MCTP1: variants seen among roughly 807,000 people sequenced by gnomAD.
MCTP1 encodes multiple C2 and transmembrane domain containing 1.
In MCTP1, 69 loss-of-function variants were observed where a neutral mutation model predicts 120.6. That is an observed-to-expected ratio of 0.57 (90% CI 0.47 to 0.70). The LOEUF is 0.70. Ranked by LOEUF, MCTP1 falls within the 30% of genes least tolerant of loss-of-function variation. The pLI, the probability that MCTP1 is intolerant of heterozygous loss-of-function variation, is 0.00. For synonymous variants in MCTP1, 529 were observed against 493.1 expected (o/e 1.07, Z -0.96); for missense variants, 1,203 against 1,248.8 (o/e 0.96, Z 0.55).
intron 1 of MCTP1, among the ~76,000 whole-genome samples, chr5:95,195,883 G>A (rs2152540348): frequency 6.6e-6 from 1 of 152,290 alleles, no homozygotes; most frequent in South Asian, 2.1e-4. Context: ...GTACCAATGT[G>A]TAAATGTTCT....
intron 17 of MCTP1, among the ~76,000 whole-genome samples, chr5:94,830,274 C>T (rs1788215433): frequency 6.6e-6 from 1 of 152,194 alleles, no homozygotes; most frequent in Admixed American, 6.5e-5. Context: ...TCAAGAAGTA[C>T]AACTATTTAC....
chr5:95,019,518 A>G (rs945863164), intron 1 of MCTP1, among the ~76,000 whole-genome samples: 4 of 151,762 alleles, frequency 2.6e-5, no homozygotes, highest in African/African-American at 7.3e-5. Flanking sequence ...TTATTTTCCT[A>G]TTGATGGACA....
rs552136663 is a variant in MCTP1 at position 94,967,605 on chromosome 5, G to C, written c.839-14244C>G. Reference sequence around the variant, plus strand: ...TAACAAGAGTAGATTGAAGAGTTAAGTTAAAATTCAAGGACAGATTTTTCA... The same window carrying C: ...TAACAAGAGTAGATTGAAGAGTTAACTTAAAATTCAAGGACAGATTTTTCA... On this transcript the variant is annotated intron_variant, in intron 2 of 22. Transcript: ENST00000515393. Among the ~76,000 whole-genome samples, 10 of 152,338 alleles carry C rather than the reference G, an allele frequency of 6.6e-5. No homozygotes were observed. The South Asian group carries it at 1.0e-3, about 16-fold the overall frequency.
At chr5:95,149,625 A>T (rs142621457) in intron 1 of MCTP1, among the ~76,000 whole-genome samples, 3 of 152,248 alleles carry the variant, frequency 2.0e-5, no homozygotes, top group East Asian at 3.9e-4. Context: ...GGAAGCAGAA[A>T]CTGAGCTTTG....
At position 95,188,476 on chromosome 5, in the gene MCTP1, T is replaced by C. The variant is rs554291733; in HGVS notation, c.720+95380A>G. Among the ~76,000 whole-genome samples, 189 of 152,326 alleles carry C rather than the reference T, an allele frequency of 1.2e-3. 1 individual carries two copies. Among genetic ancestry groups the C allele is most frequent in the Middle Eastern group, 3.4e-3 (1 of 294 alleles). On this transcript the variant is annotated intron_variant, in intron 1 of 22. Coordinates refer to ENST00000515393, the MANE Select transcript of MCTP1 (RefSeq NM_024717.7). ...TACACTAATGTTCACAGCAGCTTTA[T>C]TAGTAACAGCCAAAAACTAGAAACA... is the stretch of plus-strand genomic sequence containing the variant.
intron 1 of MCTP1, among the ~76,000 whole-genome samples, chr5:95,101,008 C>T (rs73140058): frequency 1.3e-3 from 198 of 152,094 alleles, no homozygotes; most frequent in African/African-American, 4.4e-3. Context: ...CAAGTTTGAA[C>T]GTTTTATGCC....
intron 2 of MCTP1, among the ~76,000 whole-genome samples, chr5:94,982,897 A>AAAAAAAAAAAAAAAAAAAAAAAAAAAAAG (rs1829743456): frequency 7.0e-6 from 1 of 143,746 alleles, no homozygotes; most frequent in Non-Finnish European, 1.6e-5. Context: ...AAAAAAAAAA[A>AAAAAAAAAAAAAAAAAAAAAAAAAAAAAG]AAAAAAAAAA....
intron 17 of MCTP1, among the ~76,000 whole-genome samples, chr5:94,817,718 C>T (rs1784774955): frequency 1.3e-5 from 2 of 152,194 alleles, no homozygotes; most frequent in African/African-American, 2.4e-5. Flanking sequence ...TACCAAAGAT[C>T]GTGGATCGAT....
intron 1 of MCTP1, among the ~76,000 whole-genome samples, chr5:95,236,474 C>A (rs1309749113): frequency 6.6e-6 from 1 of 152,110 alleles, no homozygotes; most frequent in Admixed American, 6.6e-5. Flanking sequence ...AATAGCTGGC[C>A]ATCTTCCTTT....
chr5:94,967,089 AGT>A (rs1465906881), intron 2 of MCTP1, among the ~76,000 whole-genome samples: 1 of 152,216 alleles, frequency 6.6e-6, no homozygotes, highest in Non-Finnish European at 1.5e-5. Flanking sequence ...TACAACTTTT[AGT>A]AATTTAGCAC....
intron 17 of MCTP1, among the ~76,000 whole-genome samples, chr5:94,802,716 A>C (rs1234417193): frequency 6.6e-6 from 1 of 152,244 alleles, no homozygotes; most frequent in Non-Finnish European, 1.5e-5. Context: ...GAGAGATACA[A>C]TAATGCATTA....
chr5:94,992,325 CAG>C (rs1179978069), intron 2 of MCTP1, among the ~76,000 whole-genome samples: 1 of 150,974 alleles, frequency 6.6e-6, no homozygotes, highest in Non-Finnish European at 1.5e-5. Flanking sequence ...ATGATGAAAA[CAG>C]ATTATCAGAG....
rs1800407864 is a variant in MCTP1 at position 94,882,801 on chromosome 5, A to G, written c.1933+6078T>C. Among the ~76,000 whole-genome samples, 4 of 152,102 alleles carry G rather than the reference A, an allele frequency of 2.6e-5. No individual in the cohort carries two copies. The South Asian group carries it at 8.3e-4, about 32-fold the overall frequency. ...TCACCTCTAGTGCATATCAAACCCAATTATTAATCTCTTTTGTCATCCCAC... is the reference window on the plus strand; with the variant it reads ...TCACCTCTAGTGCATATCAAACCCAGTTATTAATCTCTTTTGTCATCCCAC... On this transcript the variant is annotated intron_variant, in intron 12 of 22. Coordinates refer to ENST00000515393, the MANE Select transcript of MCTP1 (RefSeq NM_024717.7).
chr5:94,955,824 T>C (rs1822457990), intron 2 of MCTP1, among the ~76,000 whole-genome samples: 1 of 152,034 alleles, frequency 6.6e-6, no homozygotes. Context: ...GGGGAAGGGG[T>C]AGCTGTGGGT....
chr5:95,030,700 C>G (rs573869169), intron 1 of MCTP1, among the ~76,000 whole-genome samples: 50 of 151,914 alleles, frequency 3.3e-4, no homozygotes, highest in Non-Finnish European at 6.2e-4. Flanking sequence ...ATGGCGAATT[C>G]AAAAATAAGA....
intron 1 of MCTP1, among the ~76,000 whole-genome samples, chr5:95,182,354 C>T (rs969601211): frequency 6.6e-6 from 1 of 152,178 alleles, no homozygotes; most frequent in Non-Finnish European, 1.5e-5. Flanking sequence ...TGAGAAGATG[C>T]TCACTCTGTA....
intron 1 of MCTP1, among the ~76,000 whole-genome samples, chr5:95,087,310 T>A (rs1432257654): frequency 6.6e-6 from 1 of 152,148 alleles, no homozygotes; most frequent in Non-Finnish European, 1.5e-5. Flanking sequence ...GGCCAGCACA[T>A]AGATAGATAA....
At chr5:95,185,385 G>T (rs1242906104) in intron 1 of MCTP1, among the ~76,000 whole-genome samples, 2 of 152,158 alleles carry the variant, frequency 1.3e-5, no homozygotes, top group African/African-American at 4.8e-5. Flanking sequence ...TTGGAAAATT[G>T]ATCAATGAAA....
chr5:94,726,760 A>C (rs1316143325), intron 19 of MCTP1, among the ~76,000 whole-genome samples: 1 of 152,192 alleles, frequency 6.6e-6, no homozygotes, highest in Non-Finnish European at 1.5e-5. Flanking sequence ...ACTAGTTAAA[A>C]AGAGTTCCTG....
Sources: allele counts gnomAD v4.1 joint callset (sites outside exome capture counted in the v4.1 genomes callset), GRCh38; gene constraint gnomAD v4.1.1; transcripts MANE v1.5; gene names NCBI Gene and HGNC (gene_info 2026-07-23, HGNC 2026-07-21).